Variants in TEAD1 observed in about 807,000 individuals in gnomAD.
TEAD1 encodes transcriptional enhancer factor TEF-1.
Under a neutral mutation model 54.9 loss-of-function variants are expected in TEAD1, and 9 were observed. The observed-to-expected ratio is 0.16, with a 90% confidence interval of 0.10 to 0.29. The LOEUF is 0.29. Among genes scored for constraint, TEAD1 ranks in the 10% least tolerant of loss-of-function variants. TEAD1 has a pLI of 1.00. For synonymous variants in TEAD1, 200 were observed against 187.8 expected, an observed-to-expected ratio of 1.07 and a Z score of -0.53; for missense variants, 387 against 535.9, an observed-to-expected ratio of 0.72 and a Z score of 2.74.
In TEAD1 at chr11:12,718,519, G is replaced by C. The variant is rs573426075; in HGVS notation, c.-55+42958G>C. Among the ~76,000 whole-genome samples the C allele has an allele frequency of 7.2e-5, 11 of 152,186 alleles. No homozygotes were observed. The East Asian group carries it at 2.1e-3, about 29-fold the overall frequency. ...CCTTCCTCCAGCTTCTGTGGGGCAA[G>C]GGTTTTGAAACAATATTCACAGAAT... On this transcript the variant is annotated intron_variant, in intron 2 of 12. Coordinates refer to ENST00000527636, the MANE Select transcript of TEAD1 (RefSeq NM_021961.6).
chr11:12,836,457 A>G (rs1946894858), intron 3 of TEAD1, among the ~76,000 whole-genome samples: 1 of 151,204 alleles, frequency 6.6e-6, no homozygotes, highest in East Asian at 1.9e-4. Flanking sequence ...TCCCGCGATG[A>G]TGAATAAAGG....
At chr11:12,840,171 C>T (rs1319929938) in intron 3 of TEAD1, among the ~76,000 whole-genome samples, 6 of 146,580 alleles carry the variant, frequency 4.1e-5, no homozygotes, top group East Asian at 2.0e-4. Flanking sequence ...GGCGTGAACC[C>T]GGGAGGCGGA....
intron 3 of TEAD1, among the ~76,000 whole-genome samples, chr11:12,840,447 A>G (rs17488051): frequency 0.28 from 42,206 of 151,570 alleles, 6,321 homozygotes; most frequent in South Asian, 0.47. Flanking sequence ...ATAACCTCCT[A>G]TAATTAAATT....
intron 3 of TEAD1, among the ~76,000 whole-genome samples, chr11:12,837,688 C>CTCCCTTCTCCT (rs1946925154): frequency 2.6e-4 from 4 of 15,128 alleles, no homozygotes; most frequent in Non-Finnish European, 2.2e-3. Flanking sequence ...TTCTTTCTCC[C>CTCCCTTCTCCT]TTCTCCCTTC....
intron 2 of TEAD1, among the ~76,000 whole-genome samples, chr11:12,700,508 A>G (rs1408948707): frequency 6.6e-6 from 1 of 152,268 alleles, no homozygotes; most frequent in African/African-American, 2.4e-5. Flanking sequence ...AAATTAAAAA[A>G]TGATGTTATA....
At chr11:12,916,555 ATT>A (rs1192995646) in intron 10 of TEAD1, among the ~76,000 whole-genome samples, 3 of 152,206 alleles carry the variant, frequency 2.0e-5, no homozygotes. Context: ...TTACAGGTGA[ATT>A]TTATATGCAT....
intron 3 of TEAD1, among the ~76,000 whole-genome samples, chr11:12,803,543 G>T (rs1280118615): frequency 6.6e-6 from 1 of 152,218 alleles, no homozygotes; most frequent in Non-Finnish European, 1.5e-5. Flanking sequence ...AGTGCAGTCT[G>T]TGTGGCCCTC....
intron 9 of TEAD1, among the ~76,000 whole-genome samples, chr11:12,897,757 T>G (rs971085024): frequency 6.6e-6 from 1 of 152,256 alleles, no homozygotes; most frequent in Non-Finnish European, 1.5e-5. Context: ...TGTTTGTCAC[T>G]AATTCTAATT....
Position 12,940,602 on chromosome 11 carries a change from T to G in TEAD1, c.*3380T>G, listed in dbSNP as rs902618843. 2 of 152,264 alleles carry G rather than the reference T, an allele frequency of 1.3e-5. No homozygotes were observed. Among genetic ancestry groups the G allele is most frequent in the African/African-American group, 2.4e-5 (1 of 41,464 alleles). 9.4% of individuals were successfully genotyped at this position (152,264 alleles called of 1,614,324 possible). On this transcript the variant is annotated 3_prime_UTR_variant, in exon 13 of 13. Coordinates refer to ENST00000527636, the MANE Select transcript of TEAD1 (RefSeq NM_021961.6). ...ATTTCTCTCTCGCTACAAGTATTCT[T>G]TCACTCAGCACTGGGGAAGTTGGGA...
At chr11:12,793,046 C>T (rs532532322) in intron 3 of TEAD1, among the ~76,000 whole-genome samples, 5 of 151,776 alleles carry the variant, frequency 3.3e-5, no homozygotes, top group Admixed American at 6.6e-5. Flanking sequence ...GGGCTGTTAG[C>T]GAGACCTTGT....
At chr11:12,681,941 A>C (rs1400683385) in intron 2 of TEAD1, among the ~76,000 whole-genome samples, 1 of 152,226 alleles carries the variant, frequency 6.6e-6, no homozygotes, top group African/African-American at 2.4e-5. Context: ...AGCTCCTGCC[A>C]CATCAGTGGT....
In TEAD1 at chr11:12,792,920, A is replaced by G. The variant is rs573263208; in HGVS notation, c.202+28486A>G. Reference sequence around the variant, plus strand: ...AAAATTAAAAAATTAGCCGGGAATGATGGCTCATGACTGTAGTCAGCTACT... The same window carrying G: ...AAAATTAAAAAATTAGCCGGGAATGGTGGCTCATGACTGTAGTCAGCTACT... On this transcript the variant is annotated intron_variant, in intron 3 of 12. Transcript: ENST00000527636. 2.0e-5 allele frequency among the ~76,000 whole-genome samples: 3 copies of G among 152,256 alleles called. No individual in the cohort carries two copies. In the East Asian group the frequency reaches 5.8e-4, roughly 29 times the overall value.
intron 2 of TEAD1, among the ~76,000 whole-genome samples, chr11:12,732,706 A>G (rs1944447931): frequency 6.6e-6 from 1 of 152,218 alleles, no homozygotes; most frequent in South Asian, 2.1e-4. Context: ...CAGTTGGTGA[A>G]TGCCCAAGGC....
chr11:12,793,055 G>A (rs1211551312), intron 3 of TEAD1, among the ~76,000 whole-genome samples: 5 of 151,376 alleles, frequency 3.3e-5, no homozygotes, highest in African/African-American at 1.2e-4. Context: ...GCGAGACCTT[G>A]TCTCTTTAAA....
At chr11:12,713,790 G>T (rs954040309) in intron 2 of TEAD1, among the ~76,000 whole-genome samples, 2 of 152,166 alleles carry the variant, frequency 1.3e-5, no homozygotes, top group Non-Finnish European at 2.9e-5. Context: ...CCACTCCGCC[G>T]TCCTTTGCGT....
At chr11:12,752,485 G>C (rs528706699) in intron 2 of TEAD1, among the ~76,000 whole-genome samples, 1 of 152,048 alleles carries the variant, frequency 6.6e-6, no homozygotes, top group Non-Finnish European at 1.5e-5. Flanking sequence ...GATGAATTTC[G>C]TTAGTGTTTG....
chr11:12,870,242 T>TTC (rs1382654692), intron 5 of TEAD1, among the ~76,000 whole-genome samples: 3 of 152,186 alleles, frequency 2.0e-5, no homozygotes. Context: ...CATGAGACTT[T>TTC]TCCTCTGGAA....
intron 12 of TEAD1, 39 bp from the exon 13 acceptor site, chr11:12,937,070 A>C (rs754821628): frequency 1.7e-5 from 23 of 1,379,412 alleles, no homozygotes; most frequent in Non-Finnish European, 2.3e-5. Context: ...ATATGTTTTC[A>C]TCCTTTTGGT....
rs571536527 is a variant in TEAD1, at chr11:12,894,902, C to G, written c.700-7038C>G. On this transcript the variant is annotated intron_variant, in intron 9 of 12. Coordinates refer to ENST00000527636, the MANE Select transcript of TEAD1 (RefSeq NM_021961.6). ...GCATTATCTCATTTAATATTCTTGA[C>G]ACTCCAGTACAGTAGGTACTATTAT... is the stretch of plus-strand genomic sequence containing the variant. Among the ~76,000 whole-genome samples, 9 of 152,318 alleles carry G rather than the reference C, an allele frequency of 5.9e-5. No individual in the cohort carries two copies. The South Asian group carries it at 8.3e-4, about 14-fold the overall frequency.
Sources: gnomAD v4.1 joint callset for allele counts (sites outside exome capture counted in the v4.1 genomes callset) on GRCh38, gnomAD v4.1.1 for gene constraint, MANE v1.5 for transcripts, NCBI Gene and HGNC (gene_info 2026-07-23, HGNC 2026-07-21) for gene names.